Variants in NCK1 observed in about 807,000 individuals in gnomAD.
NCK1 encodes SH2/SH3 adapter protein NCK1.
A neutral mutation model predicts 36.6 loss-of-function variants in NCK1; 19 were observed. The observed-to-expected ratio is 0.52, with a 90% CI of 0.36 to 0.76. The LOEUF is 0.76. NCK1 is among the 30% of genes least tolerant of loss of function. The pLI, the probability that NCK1 is intolerant of heterozygous loss-of-function variation, is 0.00. For synonymous variants in NCK1, 165 were observed against 156.0 expected, an observed-to-expected ratio of 1.06 and a Z score of -0.43; for missense variants, 358 against 445.6, an observed-to-expected ratio of 0.80 and a Z score of 1.77.
intron 1 of NCK1, among the ~76,000 whole-genome samples, chr3:136,919,965 C>T (rs1012596296): frequency 6.6e-6 from 1 of 152,028 alleles, no homozygotes; most frequent in Non-Finnish European, 1.5e-5. Flanking sequence ...TGACTAAGTC[C>T]GGAAGTTTGG....
chr3:136,948,441 G>C lies in NCK1; in HGVS notation c.1122G>C (p.Lys374Asn). The change falls in exon 4 of 4, where the codon AAG becomes AAC. Residue 374 changes from lysine (K) to asparagine (N), a missense_variant. Physicochemically the swap from Lys to Asn is moderately conservative, Grantham distance 94. Around this residue, in one of 3 missense-constraint regions of NCK1, gnomAD observed 207 missense variants for 253.4 expected, o/e 0.82. Coordinates refer to ENST00000481752, the MANE Select transcript of NCK1 (RefSeq NM_001291999.2). ...SEQGEKLYLVKHLS is the reference protein window; with the variant it reads ...SEQGEKLYLVNHLS ...AAGGAGAAAAATTATATCTTGTCAA[G>C]CATTTATCATGATACTGCTGACCAG... 1 of 1,611,760 alleles carries C rather than the reference G, an allele frequency of 6.2e-7. No individual in the cohort carries two copies. Among genetic ancestry groups the C allele is most frequent in the Non-Finnish European group, 8.5e-7 (1 of 1,178,538 alleles).
Position 136,915,959 on chromosome 3 carries a change from C to T in NCK1, c.-18-12025C>T, listed in dbSNP as rs141188848. 5.7e-3 allele frequency among the ~76,000 whole-genome samples: 875 copies of T among 152,226 alleles called. 5 individuals carry two copies. The highest frequency in any genetic ancestry group is 9.7e-3 in the Non-Finnish European group (659 of 68,004). On this transcript the variant is annotated intron_variant, in intron 1 of 3. Transcript: ENST00000481752. ...CATGCTGGTCTCGAACTCCTGAGCC[C>T]GGGTGATCTGCCCACCTCGGCCTCC... is the stretch of plus-strand genomic sequence containing the variant.
chr3:136,910,425 A>G (rs1939803834), intron 1 of NCK1, among the ~76,000 whole-genome samples: 1 of 152,226 alleles, frequency 6.6e-6, no homozygotes, highest in Non-Finnish European at 1.5e-5. Context: ...CAATTATTCT[A>G]GCTTTTAGAG....
rs1356966841 is a variant in NCK1, at chr3:136,946,042, G to A, written c.686G>A (p.Trp229Ter). The A allele has an allele frequency of 6.2e-7, 1 of 1,613,922 alleles. No homozygotes were observed. The highest frequency in any genetic ancestry group is 2.2e-5 in the East Asian group (1 of 44,860). The change falls in exon 3 of 4, where the codon TGG becomes TAG. Residue 229 changes from tryptophan to a stop codon, truncating the protein, a stop_gained. Transcript: ENST00000481752. LOFTEE classifies it high-confidence loss of function. ...VIEKPENDPE[W>*]WKCRKINGMV... is the part of the protein sequence containing the mutation. ...GAAAAACCTGAAAATGACCCAGAGT[G>A]GTGGAAATGCAGGAAGATCAATGGT...
At chr3:136,906,407 GC>G in intron 1 of NCK1, among the ~76,000 whole-genome samples, 1 of 152,274 alleles carries the variant, frequency 6.6e-6, no homozygotes, top group African/African-American at 2.4e-5. Context: ...ACCATGCCTG[GC>G]CTGTGATAAG....
At chr3:136,946,873 TA>T (rs1308994498) in intron 3 of NCK1, 1 of 152,250 alleles carries the variant, frequency 6.6e-6, no homozygotes, top group Non-Finnish European at 1.5e-5. Context: ...TAGTAAACAA[TA>T]AAACTATAAA....
At chr3:136,890,984 C>A (rs1939228454) in intron 1 of NCK1, among the ~76,000 whole-genome samples, 1 of 152,204 alleles carries the variant, frequency 6.6e-6, no homozygotes, top group African/African-American at 2.4e-5. Context: ...ATAAATCATA[C>A]AATATTTGTC....
Position 136,867,105 on chromosome 3 carries a change from TTTCTTTCTTTCTTTGTTTC to T in NCK1, c.-19+4755_-19+4773del, listed in dbSNP as rs1408843370. On this transcript the variant is annotated intron_variant, in intron 1 of 3. Transcript: ENST00000481752. ...CTTTCTTTCTTTCTTTCTTTCTTTC[TTTCTTTCTTTCTTTGTTTC>T]TTTCTTTCCTTCCTTCCTTCCTTCC... Among the ~76,000 whole-genome samples the T allele has an allele frequency of 5.3e-4, 19 of 35,926 alleles. 3 individuals are homozygous for T. Among genetic ancestry groups the T allele is most frequent in the African/African-American group, 2.0e-3 (19 of 9,490 alleles). 23.6% of individuals were successfully genotyped at this position (35,926 alleles called of 152,430 possible).
At chr3:136,937,688 C>G (rs1250207109) in intron 2 of NCK1, among the ~76,000 whole-genome samples, 1 of 152,044 alleles carries the variant, frequency 6.6e-6, no homozygotes, top group African/African-American at 2.4e-5. Context: ...GTATCTTATT[C>G]TTCTTAATGC....
intron 1 of NCK1, among the ~76,000 whole-genome samples, chr3:136,874,005 T>C (rs1448690440): frequency 6.6e-6 from 1 of 152,192 alleles, no homozygotes; most frequent in Non-Finnish European, 1.5e-5. Flanking sequence ...TGCTTAACAT[T>C]GTGTTTGTGA....
chr3:136,944,335 GT>G (rs1940755599), intron 2 of NCK1, among the ~76,000 whole-genome samples: 1 of 151,870 alleles, frequency 6.6e-6, no homozygotes, highest in Non-Finnish European at 1.5e-5. Flanking sequence ...GGCCAGGATG[GT>G]CTCGATCTCT....
In NCK1 at chr3:136,928,168, T is replaced by G; in HGVS notation, c.167T>G (p.Val56Gly). 6.2e-7 allele frequency: 1 copy of G among 1,614,156 alleles called. No individual in the cohort carries two copies. Among genetic ancestry groups the G allele is most frequent in the South Asian group, 1.1e-5 (1 of 91,082 alleles). Residue 56 changes from valine to glycine, a missense_variant, in exon 2 of 4, where the codon GTG becomes GGG. Val to Gly is a moderately radical substitution (Grantham distance 109). Transcript: ENST00000481752. Reference sequence around the variant, plus strand: ...ACAGGTTTTGTGCCTTCTAACTATGTGGAAAGGAAAAACAGTGCTCGGAAA... The same window carrying G: ...ACAGGTTTTGTGCCTTCTAACTATGGGGAAAGGAAAAACAGTGCTCGGAAA... ...NKTGFVPSNY[V>G]ERKNSARKAS...
At chr3:136,892,706 C>T (rs1212421738) in intron 1 of NCK1, among the ~76,000 whole-genome samples, 1 of 151,876 alleles carries the variant, frequency 6.6e-6, no homozygotes, top group Non-Finnish European at 1.5e-5. Context: ...ACTGTGAGAT[C>T]ACAAATTTGT....
chr3:136,937,630 T>C (rs1310513846), intron 2 of NCK1, among the ~76,000 whole-genome samples: 3 of 152,328 alleles, frequency 2.0e-5, no homozygotes. Flanking sequence ...AGCGGTGTTT[T>C]GCAGTGTTTA....
chr3:136,877,834 G>A (rs1194214625), intron 1 of NCK1, among the ~76,000 whole-genome samples: 1 of 152,046 alleles, frequency 6.6e-6, no homozygotes, highest in Non-Finnish European at 1.5e-5. Context: ...GAGGAGGTGA[G>A]GGTGGTGCTA....
chr3:136,874,801 A>C (rs915469899), intron 1 of NCK1, among the ~76,000 whole-genome samples: 1 of 85,492 alleles, frequency 1.2e-5, no homozygotes, highest in African/African-American at 3.7e-5. Context: ...ATCTTGCATT[A>C]ATGAAAACTT....
At chr3:136,868,622 C>G in intron 1 of NCK1, among the ~76,000 whole-genome samples, 1 of 152,200 alleles carries the variant, frequency 6.6e-6, no homozygotes, top group East Asian at 1.9e-4. Flanking sequence ...GCCACCGCAC[C>G]TGGCCAGTGT....
At chr3:136,923,293 C>A (rs1181331763) in intron 1 of NCK1, among the ~76,000 whole-genome samples, 3 of 125,532 alleles carry the variant, frequency 2.4e-5, no homozygotes. Flanking sequence ...CGGTGGCTCA[C>A]GCCTGTAATC....
intron 1 of NCK1, among the ~76,000 whole-genome samples, chr3:136,921,913 A>G (rs1489612032): frequency 1.3e-5 from 2 of 152,170 alleles, no homozygotes; most frequent in Non-Finnish European, 2.9e-5. Flanking sequence ...TCTCCTGAGT[A>G]GCTGGGACTA....
Sources: allele counts gnomAD v4.1 joint callset (sites outside exome capture counted in the v4.1 genomes callset), GRCh38; gene constraint gnomAD v4.1.1; regional missense constraint gnomAD v4.1.1; transcripts MANE v1.5; gene names NCBI Gene and HGNC (gene_info 2026-07-23, HGNC 2026-07-21).